The following PCDH19 variants were observed in gnomAD, a reference collection of about 807,000 sequenced individuals.
PCDH19 encodes protocadherin-19.
A neutral mutation model predicts 46.2 loss-of-function variants in PCDH19; 6 were observed. That is an observed-to-expected ratio of 0.13 (90% confidence interval 0.07 to 0.26). The LOEUF (loss-of-function observed/expected upper bound fraction) is 0.26, where lower values mean the gene tolerates loss of function less well. Among genes scored for constraint, PCDH19 ranks in the 10% least tolerant of loss-of-function variants. The pLI is 1.00. For missense variants in PCDH19, 740 were observed against 972.3 expected (o/e 0.76, Z 3.18); for synonymous variants, 481 against 415.7 (o/e 1.16, Z -1.91).
intron 3 of PCDH19, among the ~76,000 whole-genome samples, chrX:100,358,211 C>T (rs991374901): frequency 8.9e-6 from 1 of 111,905 alleles, no homozygotes; most frequent in African/African-American, 3.3e-5. Context: ...AATTTGATAG[C>T]GTTTCTGTGA....
intron 4 of PCDH19, among the ~76,000 whole-genome samples, chrX:100,349,139 T>C (rs908000191): frequency 4.5e-5 from 5 of 111,186 alleles, no homozygotes; most frequent in African/African-American, 1.6e-4. Flanking sequence ...GAGGGACCTG[T>C]GAGGGTAAGG....
chrX:100,316,436 G>A (rs1000289266), intron 5 of PCDH19, among the ~76,000 whole-genome samples: 17 of 112,077 alleles, frequency 1.5e-4, no homozygotes, highest in African/African-American at 5.2e-4. Flanking sequence ...AAGTACCTTT[G>A]TGTTAGCTAT....
At chrX:100,322,833 G>GTGTATATATA (rs1322393906) in intron 5 of PCDH19, among the ~76,000 whole-genome samples, 6 of 48,797 alleles carry the variant, frequency 1.2e-4, no homozygotes, top group South Asian at 1.2e-3. Flanking sequence ...ATATTCCTAA[G>GTGTATATATA]TATATATATA....
chrX:100,380,599 T>C (rs1778819896), intron 3 of PCDH19, among the ~76,000 whole-genome samples: 2 of 111,244 alleles, frequency 1.8e-5, no homozygotes, highest in African/African-American at 3.3e-5. Flanking sequence ...ACAAAATGAG[T>C]TGCTAGTATT....
At chrX:100,338,963 G>A (rs758890231) in intron 5 of PCDH19, among the ~76,000 whole-genome samples, 3 of 111,909 alleles carry the variant, frequency 2.7e-5, no homozygotes, top group East Asian at 2.8e-4. Flanking sequence ...GTCCACATAC[G>A]TGCAAGGAAA....
chrX:100,353,784 G>A (rs12012618), intron 3 of PCDH19, among the ~76,000 whole-genome samples: 29,371 of 110,763 alleles, frequency 0.27, 3,183 homozygotes, highest in Middle Eastern at 0.52. Flanking sequence ...ACCCATTCTT[G>A]TGGGTCCTGA....
intron 3 of PCDH19, among the ~76,000 whole-genome samples, chrX:100,394,144 G>C (rs1273532498): frequency 8.9e-6 from 1 of 112,060 alleles, no homozygotes. Context: ...TACAGCCTAG[G>C]TGACGAAGTG....
intron 5 of PCDH19, among the ~76,000 whole-genome samples, chrX:100,338,692 G>A (rs1308855889): frequency 9.0e-6 from 1 of 111,024 alleles, no homozygotes. Context: ...GAGTCACAAA[G>A]CACCCTTGTC....
chrX:100,309,180 A>ACACACACACC (rs1249029999), intron 5 of PCDH19, among the ~76,000 whole-genome samples: 3 of 110,557 alleles, frequency 2.7e-5, no homozygotes, highest in African/African-American at 6.6e-5. Flanking sequence ...ACACACACAC[A>ACACACACACC]CCATGGAAAT....
At chrX:100,394,481 C>A (rs755690443) in intron 3 of PCDH19, among the ~76,000 whole-genome samples, 4 of 111,704 alleles carry the variant, frequency 3.6e-5, no homozygotes, top group South Asian at 7.5e-4. Context: ...ACTTGGGGAG[C>A]TTTCATAATC....
At chrX:100,342,104 G>A (rs373743707) in intron 4 of PCDH19, 29 bp from the exon 5 acceptor site, 3 of 1,166,042 alleles carry the variant, frequency 2.6e-6, no homozygotes, top group East Asian at 3.0e-5. Context: ...GATAATTTAC[G>A]ACCGTGACAG....
chrX:100,355,673 G>A (rs1038679105), intron 3 of PCDH19, among the ~76,000 whole-genome samples: 5 of 111,531 alleles, frequency 4.5e-5, no homozygotes, highest in African/African-American at 1.3e-4. Context: ...GATTTTCGTT[G>A]TTTGTTTCTG....
Position 100,347,072 on chromosome X carries a change from GA to G in PCDH19, c.2675+3573del, listed in dbSNP as rs1361535364. Among the ~76,000 whole-genome samples, 483 of 101,712 alleles carry G rather than the reference GA, an allele frequency of 4.7e-3. 4 individuals are homozygous for G. Among genetic ancestry groups the G allele is most frequent in the African/African-American group, 0.014 (394 of 28,052 alleles). The allele number at this position is 101,712 out of a possible 115,157, so 88.3% of individuals were successfully genotyped here. A position where few individuals can be genotyped will look rare whatever the true frequency, so the allele number is the denominator to read the frequency against. ...CCTGCGGGTTGCAAGTGACAGTCTG[GA>G]AAAAAAAAAAACTACAGAAATATAA... is the stretch of plus-strand genomic sequence containing the variant. On this transcript the variant is annotated intron_variant, in intron 4 of 5. Coordinates refer to ENST00000373034, the MANE Select transcript of PCDH19 (RefSeq NM_001184880.2).
intron 3 of PCDH19, among the ~76,000 whole-genome samples, chrX:100,373,400 TGAAA>T (rs749253034): frequency 2.7e-5 from 3 of 113,064 alleles, no homozygotes; most frequent in Admixed American, 9.3e-5. Context: ...ACATTTACTC[TGAAA>T]GAAAGAATCA....
intron 5 of PCDH19, among the ~76,000 whole-genome samples, chrX:100,299,845 C>T (rs959438036): frequency 1.8e-4 from 20 of 112,385 alleles, no homozygotes; most frequent in Non-Finnish European, 2.1e-4. Context: ...ATTATATGCA[C>T]TGCCCTTCCT....
At chrX:100,313,335 C>T (rs779080708) in intron 5 of PCDH19, among the ~76,000 whole-genome samples, 1 of 111,277 alleles carries the variant, frequency 9.0e-6, no homozygotes, top group East Asian at 2.9e-4. Context: ...TGTGTACAGA[C>T]AATAAGACAA....
Position 100,406,515 on chromosome X carries a change from T to C in PCDH19, c.2083A>G (p.Thr695Ala). 2 of 1,208,210 alleles carry C rather than the reference T, an allele frequency of 1.7e-6. No individual in the cohort carries two copies. The highest frequency in any genetic ancestry group is 2.2e-6 in the Non-Finnish European group (2 of 893,648). The change falls in exon 1 of 6, where the codon ACT becomes GCT. Residue 695 changes from threonine (T) to alanine (A), a missense_variant. This residue lies in a region of PCDH19 where 416 missense variants were observed against 476.8 expected (regional missense o/e 0.87). Transcript: ENST00000373034. ...CACTTGATTGCCACGAAGATCATAG[T>C]TACAAAGAGGATGCCCGCAATGGAG... ...LGSIAGILFV[T>A]MIFVAIKCKR...
At chrX:100,319,502 T>C (rs937803243) in intron 5 of PCDH19, among the ~76,000 whole-genome samples, 1 of 112,000 alleles carries the variant, frequency 8.9e-6, no homozygotes, top group Admixed American at 9.4e-5. Flanking sequence ...TTATCTGCTA[T>C]TTCTCCAGCA....
In PCDH19 at chrX:100,410,207, C is replaced by G. The variant is rs1470798899; in HGVS notation, c.-1610G>C. The G allele has an allele frequency of 1.0e-5, 3 of 295,018 alleles. No individual in the cohort carries two copies. The Admixed American group carries it at 1.8e-4, about 18-fold the overall frequency. The allele number at this position is 295,018 out of a possible 1,213,427, so 24.3% of individuals were successfully genotyped here. On this transcript the variant is annotated 5_prime_UTR_variant, in exon 1 of 6. Transcript: ENST00000373034. ...GTGCTGCCGTCTGTGCCCGCTCGTCCGTCTCCGCGCTGCGCCAGCCGCCGC... is the reference window on the plus strand; with the variant it reads ...GTGCTGCCGTCTGTGCCCGCTCGTCGGTCTCCGCGCTGCGCCAGCCGCCGC...
Sources: allele counts gnomAD v4.1 joint callset (sites outside exome capture counted in the v4.1 genomes callset), GRCh38; gene constraint gnomAD v4.1.1; regional missense constraint gnomAD v4.1.1; transcripts MANE v1.5; gene names NCBI Gene and HGNC (gene_info 2026-07-23, HGNC 2026-07-21).